The following HTR4 variants were observed in gnomAD, a reference collection of about 807,000 sequenced individuals.
HTR4 encodes the protein 5-hydroxytryptamine receptor 4.
In HTR4, 16 loss-of-function variants were observed where a neutral mutation model predicts 36.8. The ratio of observed to expected loss-of-function variants is 0.43; its 90% CI spans 0.29 to 0.66. The LOEUF (loss-of-function observed/expected upper bound fraction) is 0.66. HTR4 is among the 30% of genes least tolerant of loss of function. HTR4 has a pLI of 0.13. For synonymous variants in HTR4, 189 were observed against 185.1 expected, an observed-to-expected ratio of 1.02 and a Z score of -0.17; for missense variants, 438 against 490.9, an observed-to-expected ratio of 0.89 and a Z score of 1.02.
chr5:148,473,646 C>T (rs1755627185), downstream of HTR4, among the ~76,000 whole-genome samples: 2 of 151,980 alleles, frequency 1.3e-5, no homozygotes, highest in South Asian at 4.1e-4. Context: ...GTTCAGTGGC[C>T]ATTGAACAAA....
At chr5:148,564,276 C>T (rs1760341613) in intron 2 of HTR4, among the ~76,000 whole-genome samples, 1 of 152,162 alleles carries the variant, frequency 6.6e-6, no homozygotes, top group African/African-American at 2.4e-5. Flanking sequence ...GGCAAGCTCT[C>T]GCATGTCCTT....
chr5:148,536,684 C>A (rs1758839248), intron 4 of HTR4, among the ~76,000 whole-genome samples: 3 of 151,840 alleles, frequency 2.0e-5, no homozygotes, highest in Admixed American at 1.3e-4. Flanking sequence ...TTCAACAAGA[C>A]CTAGCTATCC....
At chr5:148,451,601 C>T (rs997348487) in intron 5 of HTR4, among the ~76,000 whole-genome samples, 2 of 152,048 alleles carry the variant, frequency 1.3e-5, no homozygotes, top group Admixed American at 6.5e-5. Context: ...CAGAATGAAC[C>T]CTATGTACCA....
At chr5:148,555,595 C>T (rs1180642108) in intron 2 of HTR4, among the ~76,000 whole-genome samples, 2 of 152,214 alleles carry the variant, frequency 1.3e-5, no homozygotes, top group African/African-American at 4.8e-5. Context: ...CTGACACCCT[C>T]AAGCAATCCT....
At chr5:148,479,460 A>C (rs1021852463), downstream of HTR4, among the ~76,000 whole-genome samples, 3 of 152,158 alleles carry the variant, frequency 2.0e-5, no homozygotes, top group African/African-American at 7.2e-5. Flanking sequence ...TTTTCCTTGA[A>C]TATATAATTT....
At chr5:148,623,404 A>G (rs1432954277) in intron 2 of HTR4, among the ~76,000 whole-genome samples, 1 of 152,154 alleles carries the variant, frequency 6.6e-6, no homozygotes, top group African/African-American at 2.4e-5. Context: ...GGGGACAAAA[A>G]TTGGACAAAT....
At chr5:148,640,649 C>T (rs1335004766) in intron 1 of HTR4, among the ~76,000 whole-genome samples, 2 of 152,202 alleles carry the variant, frequency 1.3e-5, no homozygotes, top group Non-Finnish European at 2.9e-5. Context: ...GTCCTAATTA[C>T]TAGAGCCAAC....
At chr5:148,540,400 G>GTA (rs56021250) in intron 4 of HTR4, among the ~76,000 whole-genome samples, 225 of 74,224 alleles carry the variant, frequency 3.0e-3, no homozygotes, top group African/African-American at 4.8e-3. Context: ...TTATGTGTGT[G>GTA]TATATATATA....
chr5:148,495,460 C>A (rs1009580004), intron 6 of HTR4, among the ~76,000 whole-genome samples: 4 of 152,230 alleles, frequency 2.6e-5, no homozygotes, highest in Non-Finnish European at 5.9e-5. Flanking sequence ...GAGGGTAAGC[C>A]AGTAGACTAG....
At chr5:148,586,418 C>T (rs1028703083) in intron 2 of HTR4, among the ~76,000 whole-genome samples, 1 of 151,904 alleles carries the variant, frequency 6.6e-6, no homozygotes, top group Non-Finnish European at 1.5e-5. Flanking sequence ...AGCAAAGTTA[C>T]TCGAACCCTT....
intron 2 of HTR4, chr5:148,630,018 G>C (rs1753266097): frequency 6.6e-6 from 1 of 152,154 alleles, no homozygotes. Flanking sequence ...TAAGCAGTAA[G>C]AGCAACAGCA....
chr5:148,545,115 TC>T (rs1759323399), intron 4 of HTR4, among the ~76,000 whole-genome samples: 1 of 152,190 alleles, frequency 6.6e-6, no homozygotes. Flanking sequence ...CCTGTAATGT[TC>T]AGGATGGACC....
chr5:148,465,371 T>C (rs1452884547), intron 5 of HTR4, among the ~76,000 whole-genome samples: 1 of 152,174 alleles, frequency 6.6e-6, no homozygotes. Flanking sequence ...CCCTCAGTTA[T>C]GCTGTGAACC....
intron 5 of HTR4, among the ~76,000 whole-genome samples, chr5:148,516,312 C>CTTTT (rs954784476): frequency 1.1e-3 from 81 of 76,488 alleles, no homozygotes; most frequent in Non-Finnish European, 1.3e-3. Context: ...ATTCCCCCCT[C>CTTTT]TTTTTTTTTT....
At chr5:148,457,493 G>C (rs1484512039) in intron 5 of HTR4, among the ~76,000 whole-genome samples, 1 of 151,908 alleles carries the variant, frequency 6.6e-6, no homozygotes, top group Non-Finnish European at 1.5e-5. Flanking sequence ...AGCCCCCTCT[G>C]CCTGCCCAGG....
chr5:148,626,793 A>C (rs1411680915), intron 2 of HTR4, among the ~76,000 whole-genome samples: 2 of 152,172 alleles, frequency 1.3e-5, no homozygotes, highest in African/African-American at 4.8e-5. Flanking sequence ...GAGTCAATTT[A>C]TTTTATATTT....
chr5:148,529,061 G>A (rs1446812609), intron 4 of HTR4, among the ~76,000 whole-genome samples: 2 of 151,868 alleles, frequency 1.3e-5, no homozygotes, highest in Admixed American at 1.3e-4. Context: ...GGGAAGCACA[G>A]GAGTGTTCGA....
chr5:148,588,527 CTTTTT>C lies in HTR4; in HGVS notation c.27-38270_27-38266del, dbSNP rs35749777. The stretch of plus-strand genomic sequence containing the variant: ...ATATCATTCACAGTAGGTTTTAATT[CTTTTT>C]TTTTTTTTTTTTTTTTTTTGAGATG... On this transcript the variant is annotated intron_variant, in intron 2 of 6. Transcript: ENST00000377888. Among the ~76,000 whole-genome samples, 6 of 110,162 alleles carry C rather than the reference CTTTTT, an allele frequency of 5.4e-5. No homozygotes were observed. In the East Asian group the frequency reaches 1.2e-3, roughly 22 times the overall value. The allele number at this position is 110,162 out of a possible 152,430, so 72.3% of individuals were successfully genotyped here.
intron 5 of HTR4, among the ~76,000 whole-genome samples, chr5:148,519,603 C>T (rs942998168): frequency 7.9e-5 from 12 of 152,134 alleles, no homozygotes; most frequent in African/African-American, 2.7e-4. Flanking sequence ...TTGTAACCTC[C>T]TAAATCCCCC....
Sources: gnomAD v4.1 joint callset for allele counts (sites outside exome capture counted in the v4.1 genomes callset) on GRCh38, gnomAD v4.1.1 for gene constraint, MANE v1.5 for transcripts, NCBI Gene and HGNC (gene_info 2026-07-23, HGNC 2026-07-21) for gene names.